The following ARHGAP42 variants were observed in gnomAD, a reference collection of about 807,000 sequenced individuals.
ARHGAP42 encodes the protein rho GTPase-activating protein 42.
In ARHGAP42, 63 loss-of-function variants were observed where a neutral mutation model predicts 125.0. The observed-to-expected ratio is 0.50, with a 90% confidence interval of 0.41 to 0.62. The LOEUF (loss-of-function observed/expected upper bound fraction) is 0.62. ARHGAP42 is among the 20% of genes least tolerant of loss of function. The probability of loss-of-function intolerance (pLI) is 0.00; values close to 1 mark genes in which losing one functional copy is unlikely to be tolerated. For synonymous variants in ARHGAP42, 339 were observed against 351.0 expected, an observed-to-expected ratio of 0.97 and a Z score of 0.38; for missense variants, 766 against 1,024.2, an observed-to-expected ratio of 0.75 and a Z score of 3.44.
At chr11:100,747,714 G>A (rs1055741315) in intron 1 of ARHGAP42, among the ~76,000 whole-genome samples, 2 of 152,090 alleles carry the variant, frequency 1.3e-5, no homozygotes, top group Admixed American at 6.5e-5. Context: ...TACCAAAAGT[G>A]TATTTTACTT....
At chr11:100,792,532 G>T (rs1175351861) in intron 2 of ARHGAP42, among the ~76,000 whole-genome samples, 1 of 151,912 alleles carries the variant, frequency 6.6e-6, no homozygotes, top group African/African-American at 2.4e-5. Context: ...TTATCATTTG[G>T]CTTCATACTG....
intron 11 of ARHGAP42, among the ~76,000 whole-genome samples, chr11:100,949,011 A>C (rs548984445): frequency 4.7e-4 from 71 of 152,236 alleles, no homozygotes; most frequent in Non-Finnish European, 7.4e-4. Context: ...CATTTTTAAT[A>C]GTTATTTTGA....
At chr11:100,974,008 T>C (rs1293871573) in intron 18 of ARHGAP42, among the ~76,000 whole-genome samples, 1 of 152,176 alleles carries the variant, frequency 6.6e-6, no homozygotes, top group East Asian at 1.9e-4. Flanking sequence ...GGCTGTGTCC[T>C]GTAGCTCTGC....
chr11:100,875,576 C>T lies in ARHGAP42; in HGVS notation c.384+15951C>T, dbSNP rs892279013. 2.0e-5 allele frequency among the ~76,000 whole-genome samples: 3 copies of T among 152,120 alleles called. No individual in the cohort carries two copies. The South Asian group carries it at 6.2e-4, about 31-fold the overall frequency. On this transcript the variant is annotated intron_variant, in intron 4 of 23. Transcript: ENST00000298815. ...AGCCCTCAGCCACTCTCGGCCGAGA[C>T]GGGAAGGATGAGACCCACCATTCCA...
At chr11:100,979,119 A>G in intron 22 of ARHGAP42, 70 bp downstream of exon 22, 1 of 1,414,362 alleles carries the variant, frequency 7.1e-7, no homozygotes, top group Non-Finnish European at 9.8e-7. Flanking sequence ...TTGACATGAC[A>G]CTCTCTGTGA....
Position 100,921,535 on chromosome 11 carries a change from A to G in ARHGAP42, c.528A>G (p.Glu176=). ...ACCGAGAACATCAGAACTTCTATGA[A>G]GCATCATTAGAATATGTCTTTAAAA... ...QIDREHQNFY[E]ASLEYVFKIQ... The change falls in exon 6 of 24, where the codon GAA becomes GAG. Residue 176 remains glutamate, a synonymous_variant. Coordinates refer to ENST00000298815, the MANE Select transcript of ARHGAP42 (RefSeq NM_152432.4). The G allele has an allele frequency of 6.5e-7, 1 of 1,547,670 alleles. No individual in the cohort carries two copies. Among genetic ancestry groups the G allele is most frequent in the Non-Finnish European group, 8.7e-7 (1 of 1,145,272 alleles).
chr11:100,972,071 G>A (rs1416919887), intron 17 of ARHGAP42, among the ~76,000 whole-genome samples: 1 of 152,066 alleles, frequency 6.6e-6, no homozygotes, highest in African/African-American at 2.4e-5. Context: ...TGCTCTCTAC[G>A]GCATAAGGAA....
chr11:100,879,154 C>T (rs1865895261), intron 4 of ARHGAP42, among the ~76,000 whole-genome samples: 1 of 152,000 alleles, frequency 6.6e-6, no homozygotes, highest in Non-Finnish European at 1.5e-5. Context: ...CCACTTCAAG[C>T]TTGTCAAATC....
At chr11:100,688,849 A>C (rs1468152013) in intron 1 of ARHGAP42, among the ~76,000 whole-genome samples, 3 of 152,198 alleles carry the variant, frequency 2.0e-5, no homozygotes, top group African/African-American at 7.2e-5. Flanking sequence ...ATCTCTGGTC[A>C]CTTAAAGCTG....
chr11:100,768,173 T>TATTCAGG (rs1862876516), intron 1 of ARHGAP42, among the ~76,000 whole-genome samples: 1 of 152,176 alleles, frequency 6.6e-6, no homozygotes, highest in African/African-American at 2.4e-5. Context: ...AGGAAGACTT[T>TATTCAGG]ATTCAGGACT....
At chr11:100,738,444 T>C (rs1862112568) in intron 1 of ARHGAP42, 2 of 152,204 alleles carry the variant, frequency 1.3e-5, no homozygotes, top group Admixed American at 1.3e-4. Context: ...GCCAGCTTTG[T>C]TTTAGATTTA....
At chr11:100,712,626 G>A (rs1388721542) in intron 1 of ARHGAP42, among the ~76,000 whole-genome samples, 1 of 152,144 alleles carries the variant, frequency 6.6e-6, no homozygotes. Context: ...GAGCTTTGCA[G>A]GTGTAATTCT....
intron 1 of ARHGAP42, among the ~76,000 whole-genome samples, chr11:100,741,211 A>G (rs965627499): frequency 1.3e-5 from 2 of 152,050 alleles, no homozygotes; most frequent in African/African-American, 4.8e-5. Context: ...TTGTATTTTT[A>G]GTACAGACGG....
intron 4 of ARHGAP42, 39 bp downstream of exon 4, chr11:100,859,664 G>A (rs1396283506): frequency 7.6e-7 from 1 of 1,307,668 alleles, no homozygotes; most frequent in Non-Finnish European, 1.0e-6. Context: ...TTATTCTCCT[G>A]ATAATTAAAG....
chr11:100,983,980 G>A (rs1052860714), intron 22 of ARHGAP42, among the ~76,000 whole-genome samples: 2 of 152,102 alleles, frequency 1.3e-5, no homozygotes, highest in Non-Finnish European at 2.9e-5. Flanking sequence ...AATTGGCACG[G>A]TGGTGTGCAC....
intron 3 of ARHGAP42, among the ~76,000 whole-genome samples, chr11:100,837,146 G>A (rs190427380): frequency 9.9e-5 from 15 of 151,822 alleles, no homozygotes; most frequent in Admixed American, 6.6e-5. Flanking sequence ...TTTGCTTTAC[G>A]ACTCTTTGTC....
At chr11:100,862,020 GA>G (rs1865455438) in intron 4 of ARHGAP42, among the ~76,000 whole-genome samples, 1 of 152,152 alleles carries the variant, frequency 6.6e-6, no homozygotes, top group Non-Finnish European at 1.5e-5. Context: ...AGGAACAAAA[GA>G]AAGAAGAAAT....
chr11:100,921,245 A>ATAT (rs1565276872), intron 5 of ARHGAP42, among the ~76,000 whole-genome samples: 6 of 36,742 alleles, frequency 1.6e-4, no homozygotes, highest in Non-Finnish European at 2.4e-4. Context: ...ATATATATAT[A>ATAT]TTTTTTTTTT....
intron 3 of ARHGAP42, among the ~76,000 whole-genome samples, chr11:100,817,793 C>A (rs554523357): frequency 1.3e-5 from 2 of 152,256 alleles, no homozygotes; most frequent in South Asian, 4.1e-4. Flanking sequence ...GAAAGTCTAA[C>A]AGGCATTCAG....
Sources: allele counts gnomAD v4.1 joint callset (sites outside exome capture counted in the v4.1 genomes callset), GRCh38; gene constraint gnomAD v4.1.1; transcripts MANE v1.5; gene names NCBI Gene and HGNC (gene_info 2026-07-23, HGNC 2026-07-21).